TNXB: variants seen among roughly 807,000 people sequenced by gnomAD.
TNXB encodes the protein tenascin XB.
TNXB carries 183 observed loss-of-function variants against 340.5 expected under a neutral mutation model. The ratio of observed to expected loss-of-function variants is 0.54; its 90% CI spans 0.48 to 0.61. The LOEUF (loss-of-function observed/expected upper bound fraction) is 0.61. TNXB is among the 20% of genes least tolerant of loss of function. The probability of loss-of-function intolerance (pLI) is 0.00; values close to 1 mark genes in which losing one functional copy is unlikely to be tolerated. For synonymous variants in TNXB, 2,121 were observed against 2,314.5 expected, an observed-to-expected ratio of 0.92 and a Z score of 2.40; for missense variants, 4,613 against 5,446.4, an observed-to-expected ratio of 0.85 and a Z score of 4.82.
At position 32,090,102 on chromosome 6, in the gene TNXB, G is replaced by A. The variant is rs1309027211; in HGVS notation, c.2359-723C>T. Among the ~76,000 whole-genome samples the A allele has an allele frequency of 6.6e-6, 1 of 152,124 alleles. No homozygotes were observed. Among genetic ancestry groups the A allele is most frequent in the Non-Finnish European group, 1.5e-5 (1 of 68,028 alleles). The stretch of plus-strand genomic sequence containing the variant: ...AGGCTCCTCAAAACAAGAACCACCT[G>A]CTCAAAGTTCCACAAATATGTTTCC... On this transcript the variant is annotated intron_variant, in intron 4 of 43. Transcript: ENST00000644971. The surrounding 1 kb of genome is among the most constrained non-coding windows in gnomAD (Gnocchi z 4.3).
chr6:32,070,401 G>A lies in TNXB; in HGVS notation c.5004C>T (p.Asp1668=), dbSNP rs542707147. ...SVEAKTVARG[D]ASPGAPPRLG... ...GGCGGGGTGGGGCCCCTGGGCTGGC[G>A]TCACCTCGGGCAACTGGAGAGGAAA... Residue 1668 remains aspartate, a synonymous_variant, in exon 14 of 44, where the codon GAC becomes GAT. Transcript: ENST00000644971. The surrounding 1 kb of genome is among the most constrained non-coding windows in gnomAD (Gnocchi z 6.0). 8 of 1,590,800 alleles carry A rather than the reference G, an allele frequency of 5.0e-6. No homozygotes were observed. Among genetic ancestry groups the A allele is most frequent in the East Asian group, 2.3e-5 (1 of 44,420 alleles).
chr6:32,073,721 C>G lies in TNXB; in HGVS notation c.4607G>C (p.Arg1536Thr). ...TCCATACATGTTCATCTTATATTTT[C>G]TCTCAGGCTCCAGGTTGTAGACTGT... is the stretch of plus-strand genomic sequence containing the variant. ...EVTVYNLEPE[R>T]KYKMNMYGLH... The change falls in exon 12 of 44, where the codon AGA becomes ACA. Residue 1536 changes from arginine to threonine, a missense_variant. Transcript: ENST00000644971. This position sits in a 1 kb window ranked among gnomAD's most constrained non-coding sequence, Gnocchi z 4.6. 6.2e-7 allele frequency: 1 copy of G among 1,612,022 alleles called. No individual in the cohort carries two copies. The highest frequency in any genetic ancestry group is 8.5e-7 in the Non-Finnish European group (1 of 1,179,460).
In TNXB at chr6:32,073,647, C is replaced by T. The variant is rs748880911; in HGVS notation, c.4681G>A (p.Ala1561Thr). ...AGGACTGAGTCCCCCCATTACTCAC[C>T]CGTCACGATGACCACAGACAGGGGG... ...MGPLSVVIVT[A>T]PLPPAPATEA... is the part of the protein sequence containing the mutation. Residue 1561 changes from alanine to threonine, a missense_variant and splice_region_variant, in exon 12 of 44, where the codon GCT becomes ACT. Transcript: ENST00000644971. The surrounding 1 kb of genome is among the most constrained non-coding windows in gnomAD (Gnocchi z 4.6). The T allele has an allele frequency of 2.3e-5, 37 of 1,605,238 alleles. No homozygotes were observed. The highest frequency in any genetic ancestry group is 3.1e-5 in the Non-Finnish European group (37 of 1,175,866).
At chr6:32,041,516 A>G in intron 43 of TNXB, 66 bp from the exon 44 acceptor site, 2 of 1,205,312 alleles carry the variant, frequency 1.7e-6, no homozygotes, top group South Asian at 1.3e-5. Context: ...CGTTCCCCTT[A>G]AGGAGGTAGC....
chr6:32,097,659 G>T lies in TNXB; in HGVS notation c.403+137C>A. The T allele has an allele frequency of 8.5e-7, 1 of 1,175,836 alleles. No individual in the cohort carries two copies. Among genetic ancestry groups the T allele is most frequent in the Non-Finnish European group, 1.2e-6 (1 of 862,600 alleles). The allele number at this position is 1,175,836 out of a possible 1,614,324, so 72.8% of individuals were successfully genotyped here. A position where few individuals can be genotyped will look rare whatever the true frequency, so the allele number is the denominator to read the frequency against. ...CATGTAGCCCAGCTCTGCTCTCCAAGTTGTGTTCTGGGCTGCATCCACACC... is the reference window on the plus strand; with the variant it reads ...CATGTAGCCCAGCTCTGCTCTCCAATTTGTGTTCTGGGCTGCATCCACACC... On this transcript the variant is annotated intron_variant, in intron 2 of 43. Transcript: ENST00000644971. This position sits in a 1 kb window ranked among gnomAD's most constrained non-coding sequence, Gnocchi z 5.9.
At chr6:32,092,840 T>C (rs1180516210) in intron 4 of TNXB, among the ~76,000 whole-genome samples, 1 of 152,028 alleles carries the variant, frequency 6.6e-6, no homozygotes, top group East Asian at 1.9e-4. Context: ...TGGGGACCAA[T>C]TTTACAGGAG....
At chr6:32,065,262 G>T in intron 18 of TNXB, 145 bp from the exon 19 acceptor site, 2 of 784,674 alleles carry the variant, frequency 2.5e-6, no homozygotes, top group Non-Finnish European at 3.9e-6. Context: ...CAGATTTTGT[G>T]GCTTCCTTAT....
rs900918867 is a variant in TNXB, at chr6:32,108,350, G to A, written c.-9+831C>T. Among the ~76,000 whole-genome samples the A allele has an allele frequency of 2.0e-5, 3 of 152,178 alleles. No homozygotes were observed. The highest frequency in any genetic ancestry group is 7.2e-5 in the African/African-American group (3 of 41,432). ...CACCCGGGGCGTGTCACGTGTACTG[G>A]TGGTGGGGGGCGGGGGCGGCGAGGT... On this transcript the variant is annotated intron_variant, in intron 1 of 43. Transcript: ENST00000644971. This position sits in a 1 kb window ranked among gnomAD's most constrained non-coding sequence, Gnocchi z 4.8.
At position 32,087,228 on chromosome 6, in the gene TNXB, C is replaced by T. The variant is rs1290766268; in HGVS notation, c.2780-1110G>A. 1 of 492,258 alleles carries T rather than the reference C, an allele frequency of 2.0e-6. No homozygotes were observed. Among genetic ancestry groups the T allele is most frequent in the Non-Finnish European group, 4.0e-6 (1 of 247,742 alleles). The allele number at this position is 492,258 out of a possible 1,614,324, so 30.5% of individuals were successfully genotyped here. ...GTGAGGCTGGACAAGGGATAGGTGT[C>T]CCGTGGCCCCAGCCCACACTACCTG... On this transcript the variant is annotated intron_variant, in intron 6 of 43. Transcript: ENST00000644971. The surrounding 1 kb of genome is among the most constrained non-coding windows in gnomAD (Gnocchi z 9.0).
At chr6:32,059,184 C>T (rs535889842) in intron 21 of TNXB, among the ~76,000 whole-genome samples, 7 of 151,514 alleles carry the variant, frequency 4.6e-5, no homozygotes, top group African/African-American at 1.7e-4. Flanking sequence ...TTTGGGAGGC[C>T]GAGGCGGGTG....
Position 32,052,399 on chromosome 6 carries a change from C to T in TNXB, c.9115+271G>A, listed in dbSNP as rs1260536597. On this transcript the variant is annotated intron_variant, in intron 26 of 43. Transcript: ENST00000644971. This position sits in a 1 kb window ranked among gnomAD's most constrained non-coding sequence, Gnocchi z 4.7. The stretch of plus-strand genomic sequence containing the variant: ...CCAGGAGGCGGAGGTTCCAGTGAGC[C>T]GAGATTGAGCCACTGTACTCCAGCC... Among the ~76,000 whole-genome samples the T allele has an allele frequency of 7.1e-4, 107 of 150,242 alleles. No individual in the cohort carries two copies. Among genetic ancestry groups the T allele is most frequent in the Non-Finnish European group, 1.3e-4 (9 of 67,794 alleles).
chr6:32,049,856 G>T lies in TNXB; in HGVS notation c.9439+142C>A. On this transcript the variant is annotated intron_variant, in intron 27 of 43. Transcript: ENST00000644971. This position sits in a 1 kb window ranked among gnomAD's most constrained non-coding sequence, Gnocchi z 4.5. ...AGCCAGGGGTCAACCACATAGGAAGGCCCAAGGGGAGTCCCAGCCCCAGCC... is the reference window on the plus strand; with the variant it reads ...AGCCAGGGGTCAACCACATAGGAAGTCCCAAGGGGAGTCCCAGCCCCAGCC... 7.4e-7 allele frequency: 1 copy of T among 1,358,476 alleles called. No individual in the cohort carries two copies. The highest frequency in any genetic ancestry group is 1.0e-6 in the Non-Finnish European group (1 of 988,714). 84.2% of individuals were successfully genotyped at this position (1,358,476 alleles called of 1,614,324 possible). A position where few individuals can be genotyped will look rare whatever the true frequency, so the allele number is the denominator to read the frequency against.
Position 32,082,998 on chromosome 6 carries a change from G to C in TNXB, c.3446-672C>G, listed in dbSNP as rs1779564123. Among the ~76,000 whole-genome samples, 1 of 152,084 alleles carries C rather than the reference G, an allele frequency of 6.6e-6. No individual in the cohort carries two copies. The highest frequency in any genetic ancestry group is 2.4e-5 in the African/African-American group (1 of 41,394). On this transcript the variant is annotated intron_variant, in intron 8 of 43. Transcript: ENST00000644971. This position sits in a 1 kb window ranked among gnomAD's most constrained non-coding sequence, Gnocchi z 5.0. ...ATTCCCAGCCCAGATTCCAGAAAGT[G>C]ATGTCTACACTGATTGCAGCCATGT... is the stretch of plus-strand genomic sequence containing the variant.
chr6:32,065,248 T>C (rs1284681105), intron 18 of TNXB, 131 bp from the exon 19 acceptor site: 1 of 845,428 alleles, frequency 1.2e-6, no homozygotes, highest in Admixed American at 2.9e-5. Flanking sequence ...ATTATAATCA[T>C]AATCAGATTT....
In TNXB at chr6:32,087,356, T is replaced by G. The variant is rs542297477; in HGVS notation, c.2780-1238A>C. 6 of 478,752 alleles carry G rather than the reference T, an allele frequency of 1.3e-5. No homozygotes were observed. Among genetic ancestry groups the G allele is most frequent in the South Asian group, 9.0e-5 (6 of 66,668 alleles). The allele number at this position is 478,752 out of a possible 1,614,324, so 29.7% of individuals were successfully genotyped here. A position where few individuals can be genotyped will look rare whatever the true frequency, so the allele number is the denominator to read the frequency against. On this transcript the variant is annotated intron_variant, in intron 6 of 43. Coordinates refer to ENST00000644971, the MANE Select transcript of TNXB (RefSeq NM_001365276.2). This position sits in a 1 kb window ranked among gnomAD's most constrained non-coding sequence, Gnocchi z 9.0. ...GGCCTGAGGTCGGGCAGGCTGACGG[T>G]GCGCGTGGTGCCCGGCACAGTCAGC...
Position 32,097,882 on chromosome 6 carries a change from C to A in TNXB, c.317G>T (p.Arg106Leu), listed in dbSNP as rs543374339. ...CACCAACTCCTCCAGGATCTCTAGA[C>A]GGACCCTCAGGGCCTGTACCTCTGA... ...LASEVQALRV[R>L]LEILEELVKG... Residue 106 changes from arginine (R) to leucine (L), a missense_variant, in exon 2 of 44, where the codon CGT becomes CTT. By Grantham distance (102) the Arg-to-Leu change is moderately radical. This residue lies in a region of TNXB where 4,327 missense variants were observed against 4,859.4 expected (regional missense o/e 0.89). Coordinates refer to ENST00000644971, the MANE Select transcript of TNXB (RefSeq NM_001365276.2). The surrounding 1 kb of genome is among the most constrained non-coding windows in gnomAD (Gnocchi z 5.9). 1.3e-6 allele frequency: 2 copies of A among 1,569,402 alleles called. No individual in the cohort carries two copies. The highest frequency in any genetic ancestry group is 1.7e-6 in the Non-Finnish European group (2 of 1,151,058).
chr6:32,043,443 G>A lies in TNXB; in HGVS notation c.11644C>T (p.Pro3882Ser). 2 of 555,720 alleles carry A rather than the reference G, an allele frequency of 3.6e-6. No homozygotes were observed. Among genetic ancestry groups the A allele is most frequent in the South Asian group, 3.7e-5 (2 of 53,686 alleles). 34.4% of individuals were successfully genotyped at this position (555,720 alleles called of 1,614,324 possible). A position where few individuals can be genotyped will look rare whatever the true frequency, so the allele number is the denominator to read the frequency against. ...VDTYDVQVTA[P>S]GAPPLQAETP... ...AGGCCTCAGGCCTGCTCACCCCCAG[G>A]GGCTGTGACCTGGACGTCATAGGTG... is the stretch of plus-strand genomic sequence containing the variant. Residue 3882 changes from proline to serine, a missense_variant, in exon 36 of 44, where the codon CCT becomes TCT. Pro to Ser is a moderately conservative substitution (Grantham distance 74, BLOSUM62 -1). Around this residue, in one of 7 missense-constraint regions of TNXB, gnomAD observed 114 missense variants for 104.5 expected, o/e 1.09. Coordinates refer to ENST00000644971, the MANE Select transcript of TNXB (RefSeq NM_001365276.2).
chr6:32,081,606 T>G lies in TNXB; in HGVS notation c.3804A>C (p.Thr1268=). The stretch of plus-strand genomic sequence containing the variant: ...AGGAGTCTGGGGTCACGCCGGTCAC[T>G]GTCAGTTCCCCCAGGAGGGGCTGCT... ...FLEQPLLGEL[T]VTGVTPDSLR... is the part of the protein sequence containing the mutation. Residue 1268 remains threonine, a synonymous_variant, in exon 10 of 44, where the codon ACA becomes ACC. Transcript: ENST00000644971. The surrounding 1 kb of genome is among the most constrained non-coding windows in gnomAD (Gnocchi z 5.1). 2 of 1,601,852 alleles carry G rather than the reference T, an allele frequency of 1.2e-6. No homozygotes were observed. Among genetic ancestry groups the G allele is most frequent in the Non-Finnish European group, 1.7e-6 (2 of 1,174,974 alleles).
chr6:32,069,223 G>A lies in TNXB; in HGVS notation c.5588-87C>T. 7.4e-7 allele frequency: 1 copy of A among 1,345,264 alleles called. No homozygotes were observed. The highest frequency in any genetic ancestry group is 1.0e-6 in the Non-Finnish European group (1 of 996,898). 83.3% of individuals were successfully genotyped at this position (1,345,264 alleles called of 1,614,324 possible). ...AGGAGTGAGGGAGGAGAGGGAGTGA[G>A]GGCAAGCAGTCAGCAATCGAAAGAC... is the stretch of plus-strand genomic sequence containing the variant. On this transcript the variant is annotated intron_variant, in intron 15 of 43. Transcript: ENST00000644971. This position sits in a 1 kb window ranked among gnomAD's most constrained non-coding sequence, Gnocchi z 6.2.
Sources: gnomAD v4.1 joint callset for allele counts (sites outside exome capture counted in the v4.1 genomes callset) on GRCh38, gnomAD v4.1.1 for gene constraint, gnomAD v4.1.1 regional missense constraint, Gnocchi (gnomAD v3.1) non-coding constraint, MANE v1.5 for transcripts, NCBI Gene and HGNC (gene_info 2026-07-23, HGNC 2026-07-21) for gene names.